Variants in IQCH observed in about 807,000 individuals in gnomAD.
The protein encoded by IQCH is IQ domain-containing protein H.
In IQCH, 98 loss-of-function variants were observed where a neutral mutation model predicts 117.0. That is an observed-to-expected ratio of 0.84 (90% CI 0.71 to 0.99). The LOEUF is 0.99. Ranked by LOEUF, IQCH falls within the 50% of genes least tolerant of loss-of-function variation. The pLI is 0.00. For missense variants in IQCH, 1,102 were observed against 1,243.8 expected, an observed-to-expected ratio of 0.89 and a Z score of 1.72; for synonymous variants, 412 against 448.2, an observed-to-expected ratio of 0.92 and a Z score of 1.02.
intron 4 of IQCH, chr15:67,282,033 C>T: frequency 4.7e-6 from 1 of 214,456 alleles, no homozygotes; most frequent in Non-Finnish European, 9.7e-6. Context: ...CTGAATAAGA[C>T]AGATCAGATC....
intron 16 of IQCH, among the ~76,000 whole-genome samples, chr15:67,429,964 C>T (rs1440786697): frequency 6.6e-6 from 1 of 152,062 alleles, no homozygotes; most frequent in South Asian, 2.1e-4. Flanking sequence ...GTAGAACACA[C>T]GGTCATTTTG....
rs746783797 is a variant in IQCH at position 67,424,241 on chromosome 15, C to T, written c.2505+2664C>T. ...CACAGGGCCTAAACATGCTGTTCCT[C>T]CACCTTAAATGCTCTTGCCTTTTCT... On this transcript the variant is annotated intron_variant, in intron 16 of 20. Transcript: ENST00000335894. This position sits in a 1 kb window ranked among gnomAD's most constrained non-coding sequence, Gnocchi z 4.9. 1.3e-5 allele frequency among the ~76,000 whole-genome samples: 2 copies of T among 152,300 alleles called. No homozygotes were observed. Among genetic ancestry groups the T allele is most frequent in the African/African-American group, 4.8e-5 (2 of 41,556 alleles).
chr15:67,421,907 T>C (rs2081754908), intron 16 of IQCH, among the ~76,000 whole-genome samples: 1 of 152,162 alleles, frequency 6.6e-6, no homozygotes, highest in Non-Finnish European at 1.5e-5. Flanking sequence ...AAGAGCAGCG[T>C]AGGCAACATG....
intron 3 of IQCH, among the ~76,000 whole-genome samples, chr15:67,268,684 G>A (rs928804909): frequency 3.3e-5 from 5 of 151,412 alleles, no homozygotes; most frequent in African/African-American, 1.2e-4. Flanking sequence ...ATTAGAAGGT[G>A]CATTGTCATT....
At chr15:67,448,622 C>T (rs1302137544) in intron 16 of IQCH, among the ~76,000 whole-genome samples, 2 of 151,856 alleles carry the variant, frequency 1.3e-5, no homozygotes, top group Admixed American at 6.6e-5. Context: ...TCCAGTCTAT[C>T]GTTGTTGGAC....
rs912735045 is a variant in IQCH, at chr15:67,386,524, G to C, written c.1456+1505G>C. On this transcript the variant is annotated intron_variant, in intron 11 of 20. Transcript: ENST00000335894. The surrounding 1 kb of genome is among the most constrained non-coding windows in gnomAD (Gnocchi z 5.0). ...TTAGATGAAGAAAAAGTACTTTTTT[G>C]TGAAATAAAAATGTGAAGAAAATAG... 4.6e-5 allele frequency among the ~76,000 whole-genome samples: 7 copies of C among 152,078 alleles called. No individual in the cohort carries two copies. The highest frequency in any genetic ancestry group is 1.7e-4 in the African/African-American group (7 of 41,412).
chr15:67,443,523 A>G lies in IQCH; in HGVS notation c.2506-21604A>G, dbSNP rs2082328897. ...CAGCAAATTTTCACAAATCACCACAAAAGAACTTACTCATGTAACCAAATA... is the reference window on the plus strand; with the variant it reads ...CAGCAAATTTTCACAAATCACCACAGAAGAACTTACTCATGTAACCAAATA... On this transcript the variant is annotated intron_variant, in intron 16 of 20. Coordinates refer to ENST00000335894, the MANE Select transcript of IQCH (RefSeq NM_001031715.3). This position sits in a 1 kb window ranked among gnomAD's most constrained non-coding sequence, Gnocchi z 5.0. Among the ~76,000 whole-genome samples the G allele has an allele frequency of 6.6e-6, 1 of 152,166 alleles. No homozygotes were observed. Among genetic ancestry groups the G allele is most frequent in the Non-Finnish European group, 1.5e-5 (1 of 68,018 alleles).
chr15:67,495,185 G>T (rs770058591), intron 20 of IQCH, among the ~76,000 whole-genome samples: 1 of 152,140 alleles, frequency 6.6e-6, no homozygotes, highest in East Asian at 1.9e-4. Flanking sequence ...TTACATTTTT[G>T]ATTCAAGCTA....
chr15:67,319,673 T>C (rs1427326154), intron 4 of IQCH, among the ~76,000 whole-genome samples: 2 of 152,254 alleles, frequency 1.3e-5, no homozygotes, highest in African/African-American at 2.4e-5. Context: ...CAACAAAATA[T>C]GCAACCTGTC....
chr15:67,415,474 C>T (rs757856939), intron 14 of IQCH, among the ~76,000 whole-genome samples: 17 of 152,234 alleles, frequency 1.1e-4, no homozygotes, highest in Admixed American at 2.0e-4. Context: ...ACTCTCCCAC[C>T]AAGATTTTCT....
chr15:67,329,449 T>C (rs1968564318), intron 4 of IQCH, among the ~76,000 whole-genome samples: 1 of 151,988 alleles, frequency 6.6e-6, no homozygotes, highest in Admixed American at 6.6e-5. Context: ...ATGGTGAATT[T>C]TATGTAAAAT....
At chr15:67,315,398 G>A (rs751383529) in intron 4 of IQCH, among the ~76,000 whole-genome samples, 13 of 152,082 alleles carry the variant, frequency 8.5e-5, no homozygotes, top group Non-Finnish European at 1.8e-4. Flanking sequence ...TAAAGTGAGT[G>A]TTTTATGGAT....
At chr15:67,439,329 G>C (rs1038395161) in intron 16 of IQCH, among the ~76,000 whole-genome samples, 1 of 152,070 alleles carries the variant, frequency 6.6e-6, no homozygotes, top group Non-Finnish European at 1.5e-5. Flanking sequence ...ACAAAATCAA[G>C]ATGGAAATCA....
Position 67,411,641 on chromosome 15 carries a change from ATGTGTGTG to A in IQCH, c.2098-5288_2098-5281del, listed in dbSNP as rs2081454266. On this transcript the variant is annotated intron_variant, in intron 14 of 20. Coordinates refer to ENST00000335894, the MANE Select transcript of IQCH (RefSeq NM_001031715.3). The surrounding 1 kb of genome is among the most constrained non-coding windows in gnomAD (Gnocchi z 4.4). ...CACCAATGTGTGTCTGTATGTGTGT[ATGTGTGTG>A]TAATACACACACACAGAGGCACTCT... Among the ~76,000 whole-genome samples, 3 of 152,172 alleles carry A rather than the reference ATGTGTGTG, an allele frequency of 2.0e-5. No homozygotes were observed. The highest frequency in any genetic ancestry group is 1.3e-4 in the Admixed American group (2 of 15,272).
intron 16 of IQCH, among the ~76,000 whole-genome samples, chr15:67,451,694 T>C (rs981185774): frequency 4.6e-5 from 7 of 152,200 alleles, no homozygotes; most frequent in African/African-American, 1.2e-4. Flanking sequence ...AAAGAATGTA[T>C]ATTCTGTTGA....
chr15:67,366,566 C>G lies in IQCH; in HGVS notation c.754-5545C>G, dbSNP rs1185527326. ...TTCAAAGCAATTGCAGAAATTATTCCTAGAAAATTGCTGCTGATCTGAGTG... is the reference window on the plus strand; with the variant it reads ...TTCAAAGCAATTGCAGAAATTATTCGTAGAAAATTGCTGCTGATCTGAGTG... On this transcript the variant is annotated intron_variant, in intron 8 of 20. Coordinates refer to ENST00000335894, the MANE Select transcript of IQCH (RefSeq NM_001031715.3). This position sits in a 1 kb window ranked among gnomAD's most constrained non-coding sequence, Gnocchi z 4.4. Among the ~76,000 whole-genome samples the G allele has an allele frequency of 6.6e-6, 1 of 152,122 alleles. No individual in the cohort carries two copies. The highest frequency in any genetic ancestry group is 2.4e-5 in the African/African-American group (1 of 41,398).
At chr15:67,348,633 A>G (rs1969515639) in intron 6 of IQCH, among the ~76,000 whole-genome samples, 1 of 152,234 alleles carries the variant, frequency 6.6e-6, no homozygotes, top group African/African-American at 2.4e-5. Context: ...TAAGTAAATT[A>G]GAAAGATTAG....
intron 3 of IQCH, among the ~76,000 whole-genome samples, chr15:67,264,901 A>T (rs1340059222): frequency 6.6e-6 from 1 of 151,702 alleles, no homozygotes; most frequent in African/African-American, 2.4e-5. Context: ...ATATGTATAT[A>T]TATATACAAG....
chr15:67,473,400 C>G lies in IQCH; in HGVS notation c.2677-2296C>G, dbSNP rs892415123. Among the ~76,000 whole-genome samples the G allele has an allele frequency of 5.3e-5, 8 of 152,172 alleles. No homozygotes were observed. Among genetic ancestry groups the G allele is most frequent in the African/African-American group, 1.9e-4 (8 of 41,422 alleles). Reference sequence around the variant, plus strand: ...ACCCCACCAATTATTCCTGCTTAGTCCACCAGAGCCATGCTGTCCTCCAGC... The same window carrying G: ...ACCCCACCAATTATTCCTGCTTAGTGCACCAGAGCCATGCTGTCCTCCAGC... On this transcript the variant is annotated intron_variant, in intron 17 of 20. Coordinates refer to ENST00000335894, the MANE Select transcript of IQCH (RefSeq NM_001031715.3). The surrounding 1 kb of genome is among the most constrained non-coding windows in gnomAD (Gnocchi z 4.9).
Sources: allele counts gnomAD v4.1 joint callset (sites outside exome capture counted in the v4.1 genomes callset), GRCh38; gene constraint gnomAD v4.1.1; non-coding constraint Gnocchi (gnomAD v3.1); transcripts MANE v1.5; gene names NCBI Gene and HGNC (gene_info 2026-07-23, HGNC 2026-07-21).